IMPA2: variants seen among roughly 807,000 people sequenced by gnomAD.
IMPA2 encodes IMP 2.
Under a neutral mutation model 35.1 loss-of-function variants are expected in IMPA2, and 32 were observed. The observed-to-expected ratio is 0.91, with a 90% CI of 0.69 to 1.23. The LOEUF is 1.23. Ranked by LOEUF, IMPA2 falls within the 50% of genes most tolerant of loss-of-function variation. The probability of loss-of-function intolerance (pLI) is 0.00; values close to 1 mark genes in which losing one functional copy is unlikely to be tolerated. For synonymous variants in IMPA2, 135 were observed against 160.6 expected (o/e 0.84, Z 1.20); for missense variants, 334 against 387.6 (o/e 0.86, Z 1.16).
At chr18:11,986,753 GAGTTAC>G (rs1434231717) in intron 1 of IMPA2, among the ~76,000 whole-genome samples, 7 of 152,198 alleles carry the variant, frequency 4.6e-5, no homozygotes, top group Non-Finnish European at 1.0e-4. Context: ...AATTTTCTGA[GAGTTAC>G]ACCCATTTCT....
intron 5 of IMPA2, among the ~76,000 whole-genome samples, chr18:12,015,112 G>A (rs796521667): frequency 2.0e-5 from 3 of 152,308 alleles, no homozygotes; most frequent in African/African-American, 7.2e-5. Context: ...CAGACTAGCA[G>A]CAGCTGCATG....
At chr18:12,019,787 CAT>C (rs1013463588) in intron 5 of IMPA2, among the ~76,000 whole-genome samples, 3 of 152,036 alleles carry the variant, frequency 2.0e-5, no homozygotes, top group African/African-American at 7.3e-5. Flanking sequence ...CTAAAAATGT[CAT>C]ATTAATATCA....
Position 12,012,214 on chromosome 18 carries a change from A to G in IMPA2, c.380A>G (p.Glu127Gly). 1.9e-6 allele frequency: 3 copies of G among 1,613,978 alleles called. No homozygotes were observed. Among genetic ancestry groups the G allele is most frequent in the Non-Finnish European group, 2.5e-6 (3 of 1,179,900 alleles). The change falls in exon 4 of 8, where the codon GAG (glutamate) becomes GGG (glycine). Residue 127 changes from glutamate to glycine, a missense_variant and splice_region_variant. Transcript: ENST00000269159. ...AVSIGFAVRQ[E>G]LEFGVIYHCT... The stretch of plus-strand genomic sequence containing the variant: ...AGCATTGGATTTGCTGTTCGACAAG[A>G]GGTGCGGGTGTGGCCCAGGTCCCCA...
At position 12,028,899 on chromosome 18, in the gene IMPA2, G is replaced by A. The variant is rs543728658; in HGVS notation, c.657G>A (p.Ala219=). The A allele has an allele frequency of 2.5e-5, 41 of 1,614,154 alleles. No individual in the cohort carries two copies. The highest frequency in any genetic ancestry group is 8.9e-5 in the East Asian group (4 of 44,878). The change falls in exon 7 of 8, where the codon GCG becomes GCA. Residue 219 remains alanine, a synonymous_variant. Transcript: ENST00000269159. ...LALCHLASGA[A]DAYYQFGLHC... Reference sequence around the variant, plus strand: ...TCTGCCACCTGGCCTCAGGGGCCGCGGATGCCTATTACCAGTTTGGCCTGC... The same window carrying A: ...TCTGCCACCTGGCCTCAGGGGCCGCAGATGCCTATTACCAGTTTGGCCTGC...
chr18:12,008,551 T>C (rs1346851732), intron 2 of IMPA2: 1 of 456,836 alleles, frequency 2.2e-6, no homozygotes, highest in Non-Finnish European at 4.4e-6. Context: ...CTTTGGAAGG[T>C]GTAAACAGCG....
intron 5 of IMPA2, chr18:12,017,647 G>T: frequency 2.4e-6 from 1 of 411,346 alleles, no homozygotes; most frequent in South Asian, 1.8e-5. Flanking sequence ...GGAGTGCGGT[G>T]GTGCAGTCTT....
At chr18:11,998,726 C>G (rs998814612) in intron 1 of IMPA2, among the ~76,000 whole-genome samples, 1 of 152,006 alleles carries the variant, frequency 6.6e-6, no homozygotes, top group African/African-American at 2.4e-5. Flanking sequence ...TTCTTTTACT[C>G]GAAGAGAAGT....
At chr18:12,019,396 A>G (rs1187139151) in intron 5 of IMPA2, among the ~76,000 whole-genome samples, 1 of 149,460 alleles carries the variant, frequency 6.7e-6, no homozygotes, top group African/African-American at 2.5e-5. Context: ...CTGGAATTAT[A>G]GGCACGCACC....
Position 12,024,882 on chromosome 18 carries a change from C to T in IMPA2, c.491-3161C>T, listed in dbSNP as rs1036285531. Among the ~76,000 whole-genome samples the T allele has an allele frequency of 4.6e-5, 7 of 152,144 alleles. No individual in the cohort carries two copies. In the East Asian group the frequency reaches 7.7e-4, roughly 17 times the overall value. ...ACAGCCTCCCCATCCATCAGCATCG[C>T]GTACAGAATGGTGCATTTGTTAAAA... On this transcript the variant is annotated intron_variant, in intron 5 of 7. Coordinates refer to ENST00000269159, the MANE Select transcript of IMPA2 (RefSeq NM_014214.3).
chr18:11,987,056 T>C (rs1906687120), intron 1 of IMPA2, among the ~76,000 whole-genome samples: 1 of 152,370 alleles, frequency 6.6e-6, no homozygotes, highest in African/African-American at 2.4e-5. Context: ...TTTTTCATGA[T>C]CTCCTTGGTG....
chr18:11,984,477 C>T (rs1906598423), intron 1 of IMPA2, among the ~76,000 whole-genome samples: 1 of 152,208 alleles, frequency 6.6e-6, no homozygotes, highest in Admixed American at 6.5e-5. Flanking sequence ...CCTTTCAAAT[C>T]CCCCCGCGGA....
intron 1 of IMPA2, among the ~76,000 whole-genome samples, chr18:11,989,035 G>A (rs781582907): frequency 9.9e-5 from 15 of 152,116 alleles, no homozygotes; most frequent in Non-Finnish European, 2.2e-4. Flanking sequence ...ACTAAGTGGA[G>A]ATGTTGGATT....
Position 12,030,565 on chromosome 18 carries a change from C to A in IMPA2, c.*107C>A. On this transcript the variant is annotated 3_prime_UTR_variant, in exon 8 of 8. Coordinates refer to ENST00000269159, the MANE Select transcript of IMPA2 (RefSeq NM_014214.3). ...CCATGCCAGTGGCTCACGCTCTGCT[C>A]CTGGCTACCCCAGAGGGAGTTGTCA... 3 of 775,184 alleles carry A rather than the reference C, an allele frequency of 3.9e-6. No individual in the cohort carries two copies. Among genetic ancestry groups the A allele is most frequent in the Non-Finnish European group, 6.5e-6 (3 of 460,372 alleles). The allele number at this position is 775,184 out of a possible 1,614,324, so 48.0% of individuals were successfully genotyped here.
At chr18:12,024,811 G>A (rs1256575995) in intron 5 of IMPA2, among the ~76,000 whole-genome samples, 2 of 151,906 alleles carry the variant, frequency 1.3e-5, no homozygotes, top group African/African-American at 2.4e-5. Context: ...TGAGCAGAAG[G>A]TGCAGAGAGA....
rs1049659332 is a variant in IMPA2 at position 11,999,325 on chromosome 18, G to T, written c.230+138G>T. 6.4e-5 allele frequency: 44 copies of T among 691,956 alleles called. 2 individuals are homozygous for T. The South Asian group carries it at 1.0e-3, about 16-fold the overall frequency. 42.9% of individuals were successfully genotyped at this position (691,956 alleles called of 1,614,324 possible). On this transcript the variant is annotated intron_variant, in intron 2 of 7. Transcript: ENST00000269159. ...AGCCCTAAGCCACGCAGCCTAACCT[G>T]CGATTTGTCAGTTACTTAGTAAGCA... is the stretch of plus-strand genomic sequence containing the variant.
At chr18:12,019,156 C>T (rs920949861) in intron 5 of IMPA2, among the ~76,000 whole-genome samples, 7 of 152,036 alleles carry the variant, frequency 4.6e-5, no homozygotes, top group Non-Finnish European at 8.8e-5. Context: ...TGTCTAACCT[C>T]ACATAGATAC....
At chr18:12,001,957 G>C (rs1027600210) in intron 2 of IMPA2, among the ~76,000 whole-genome samples, 1 of 152,216 alleles carries the variant, frequency 6.6e-6, no homozygotes, top group Non-Finnish European at 1.5e-5. Context: ...AGCTCTGAGG[G>C]TGAATGTGTG....
chr18:12,013,892 G>T (rs1907502201), intron 4 of IMPA2, among the ~76,000 whole-genome samples: 1 of 152,182 alleles, frequency 6.6e-6, no homozygotes, highest in Non-Finnish European at 1.5e-5. Context: ...AGGATTTCTT[G>T]TGGGGTTTGG....
chr18:11,999,628 G>A (rs911153527), intron 2 of IMPA2, among the ~76,000 whole-genome samples: 2 of 152,230 alleles, frequency 1.3e-5, no homozygotes, highest in South Asian at 4.1e-4. Context: ...ACTGGCAGCC[G>A]CGTGGGGCCC....
Sources: gnomAD v4.1 joint callset for allele counts (sites outside exome capture counted in the v4.1 genomes callset) on GRCh38, gnomAD v4.1.1 for gene constraint, MANE v1.5 for transcripts, NCBI Gene and HGNC (gene_info 2026-07-23, HGNC 2026-07-21) for gene names.